TTC17: variants seen among roughly 807,000 people sequenced by gnomAD.
The protein encoded by TTC17 is tetratricopeptide repeat domain 17, also known as tetratricopeptide repeat protein 17.
A neutral mutation model predicts 143.8 loss-of-function variants in TTC17; 58 were observed. The ratio of observed to expected loss-of-function variants is 0.40; its 90% CI spans 0.33 to 0.50. The LOEUF is 0.50. TTC17 is among the 20% of genes least tolerant of loss of function. TTC17 has a pLI of 0.49. For synonymous variants in TTC17, 501 were observed against 497.8 expected, an observed-to-expected ratio of 1.01 and a Z score of -0.09; for missense variants, 1,273 against 1,392.5, an observed-to-expected ratio of 0.91 and a Z score of 1.37.
chr11:43,456,706 G>T (rs1015495732), intron 21 of TTC17, among the ~76,000 whole-genome samples: 2 of 152,212 alleles, frequency 1.3e-5, no homozygotes, highest in Admixed American at 6.5e-5. Context: ...GATTCAGGGT[G>T]TGAGCTAAGA....
In TTC17 at chr11:43,448,129, A is replaced by G. The variant is rs1414512531; in HGVS notation, c.2786+7A>G. 8.1e-6 allele frequency: 13 copies of G among 1,613,724 alleles called. No homozygotes were observed. The highest frequency in any genetic ancestry group is 1.1e-5 in the Non-Finnish European group (13 of 1,179,840). ...TTTCTTCAAAAAACATTGAGTAAGT[A>G]TGTTAAGCCTCTCCCTCCTTTATGG... On this transcript the variant is annotated splice_region_variant and intron_variant, in intron 19 of 23. Transcript: ENST00000039989.
At position 43,370,487 on chromosome 11, in the gene TTC17, GGGAA is replaced by G. The variant is rs557107211; in HGVS notation, c.160-8745_160-8742del. 2.2e-3 allele frequency: 330 copies of G among 152,072 alleles called. 6 individuals are homozygous for G. The highest frequency in any genetic ancestry group is 0.018 in the Admixed American group (279 of 15,202). The allele number at this position is 152,072 out of a possible 1,614,324, so 9.4% of individuals were successfully genotyped here. On this transcript the variant is annotated intron_variant, in intron 1 of 23. Transcript: ENST00000039989. ...TTTTTCTCTATAAGTGAATACACGAGGGAAAAATACAAGATTCTTCCTCAGACCT... is the reference window on the plus strand; with the variant it reads ...TTTTTCTCTATAAGTGAATACACGAGAAATACAAGATTCTTCCTCAGACCT...
chr11:43,359,383 G>T, intron 1 of TTC17: 1 of 430,660 alleles, frequency 2.3e-6, no homozygotes, highest in Middle Eastern at 6.1e-4. Context: ...GCCCAGCTGC[G>T]GGAGACGGGC....
At chr11:43,465,579 T>G (rs2134808989) in intron 21 of TTC17, among the ~76,000 whole-genome samples, 1 of 152,206 alleles carries the variant, frequency 6.6e-6, no homozygotes, top group Middle Eastern at 3.4e-3. Flanking sequence ...AATTAAGAAC[T>G]CAATTGATGG....
intron 21 of TTC17, among the ~76,000 whole-genome samples, chr11:43,457,573 A>G (rs927111429): frequency 6.6e-6 from 1 of 152,210 alleles, no homozygotes; most frequent in African/African-American, 2.4e-5. Flanking sequence ...ATTCACAAAA[A>G]TAAGGGAAAA....
At chr11:43,463,531 T>A (rs1019442836) in intron 21 of TTC17, among the ~76,000 whole-genome samples, 2 of 151,882 alleles carry the variant, frequency 1.3e-5, no homozygotes, top group Non-Finnish European at 2.9e-5. Flanking sequence ...TCTCCAAAAT[T>A]TAAAACTCTT....
chr11:43,429,520 A>G (rs1242998242), intron 16 of TTC17, among the ~76,000 whole-genome samples: 1 of 152,218 alleles, frequency 6.6e-6, no homozygotes, highest in Admixed American at 6.5e-5. Context: ...GTAATTTTGT[A>G]TAACAGTGGT....
chr11:43,403,920 T>C, intron 10 of TTC17, 78 bp from the exon 11 acceptor site: 1 of 1,297,640 alleles, frequency 7.7e-7, no homozygotes, highest in Non-Finnish European at 1.0e-6. Flanking sequence ...TTCACTCGCT[T>C]TTTTGGTGTG....
chr11:43,449,755 C>T (rs1947620483), intron 19 of TTC17: 1 of 199,288 alleles, frequency 5.0e-6, no homozygotes, highest in East Asian at 1.3e-4. Context: ...AGTACTTAGT[C>T]TTACACCTAA....
chr11:43,395,951 A>G (rs1242352804), intron 5 of TTC17, among the ~76,000 whole-genome samples: 2 of 152,140 alleles, frequency 1.3e-5, no homozygotes, highest in Admixed American at 1.3e-4. Context: ...GTGGGAGTCA[A>G]AGGGTAAATG....
At chr11:43,409,960 G>T (rs1431662384) in intron 15 of TTC17, among the ~76,000 whole-genome samples, 1 of 151,650 alleles carries the variant, frequency 6.6e-6, no homozygotes, top group Non-Finnish European at 1.5e-5. Context: ...TCGTGCCTCA[G>T]ACTCTGGAGT....
At chr11:43,471,533 G>A (rs1309633956) in intron 21 of TTC17, among the ~76,000 whole-genome samples, 1 of 152,178 alleles carries the variant, frequency 6.6e-6, no homozygotes, top group Non-Finnish European at 1.5e-5. Flanking sequence ...TTGGTTTCTG[G>A]TCAAGTCCAA....
intron 16 of TTC17, chr11:43,436,098 C>T (rs1947286331): frequency 1.6e-6 from 2 of 1,216,386 alleles, no homozygotes; most frequent in Middle Eastern, 2.2e-4. Flanking sequence ...TATTTTAGGA[C>T]CTTGTACTGT....
chr11:43,360,592 C>A (rs1856061449), intron 1 of TTC17, among the ~76,000 whole-genome samples: 1 of 152,188 alleles, frequency 6.6e-6, no homozygotes, highest in Non-Finnish European at 1.5e-5. Context: ...ACATTGACTT[C>A]TCCTTCCCAT....
chr11:43,407,518 G>T lies in TTC17; in HGVS notation c.2005G>T (p.Gly669Cys). The T allele has an allele frequency of 6.2e-7, 1 of 1,613,884 alleles. No homozygotes were observed. Among genetic ancestry groups the T allele is most frequent in the Admixed American group, 1.7e-5 (1 of 59,978 alleles). The change falls in exon 15 of 24, where the codon GGC becomes TGC. Residue 669 changes from glycine to cysteine, a missense_variant. Gly to Cys is a radical substitution (Grantham distance 159). Transcript: ENST00000039989. ...VNLANLLIHYGLHLDATKLLL... is the reference protein window; with the variant it reads ...VNLANLLIHYCLHLDATKLLL... Reference sequence around the variant, plus strand: ...CTTGGCCAACCTTTTGATTCATTACGGCCTTCATCTTGATGCCACTAAGCT... The same window carrying T: ...CTTGGCCAACCTTTTGATTCATTACTGCCTTCATCTTGATGCCACTAAGCT...
At chr11:43,397,751 C>G (rs896050860) in intron 7 of TTC17, among the ~76,000 whole-genome samples, 8 of 152,078 alleles carry the variant, frequency 5.3e-5, no homozygotes, top group African/African-American at 1.9e-4. Flanking sequence ...TACCTGCCAA[C>G]TAAACCATCC....
chr11:43,411,801 C>G (rs1565152727), intron 15 of TTC17, among the ~76,000 whole-genome samples: 1 of 152,092 alleles, frequency 6.6e-6, no homozygotes, highest in East Asian at 1.9e-4. Context: ...GTGTGAATTA[C>G]TAAGTAATAG....
In TTC17 at chr11:43,359,298, T is replaced by C. The variant is rs1488392530; in HGVS notation, c.159+185T>C. Reference sequence around the variant, plus strand: ...AGGCACTTCCCGCTCCCCACTTGTCTCCTGGTCCTCGTTTGGCCCCCTAGA... The same window carrying C: ...AGGCACTTCCCGCTCCCCACTTGTCCCCTGGTCCTCGTTTGGCCCCCTAGA... On this transcript the variant is annotated intron_variant, in intron 1 of 23. Coordinates refer to ENST00000039989, the MANE Select transcript of TTC17 (RefSeq NM_018259.6). The C allele has an allele frequency of 1.4e-5, 10 of 717,682 alleles. No individual in the cohort carries two copies. The Admixed American group carries it at 2.1e-4, about 15-fold the overall frequency. 44.5% of individuals were successfully genotyped at this position (717,682 alleles called of 1,614,324 possible). A position where few individuals can be genotyped will look rare whatever the true frequency, so the allele number is the denominator to read the frequency against.
At chr11:43,399,753 A>C (rs1049473452) in intron 8 of TTC17, 135 bp from the exon 9 acceptor site, 6 of 805,092 alleles carry the variant, frequency 7.5e-6, no homozygotes, top group Non-Finnish European at 1.1e-5. Flanking sequence ...AACTGGTGAT[A>C]CAGGGTTGTA....
Sources: allele counts gnomAD v4.1 joint callset (sites outside exome capture counted in the v4.1 genomes callset), GRCh38; gene constraint gnomAD v4.1.1; transcripts MANE v1.5; gene names NCBI Gene and HGNC (gene_info 2026-07-23, HGNC 2026-07-21).